FER: variants seen among roughly 807,000 people sequenced by gnomAD.
The protein encoded by FER is FER tyrosine kinase.
In FER, 63 loss-of-function variants were observed where a neutral mutation model predicts 111.0. That is an observed-to-expected ratio of 0.57 (90% CI 0.46 to 0.70). The LOEUF (loss-of-function observed/expected upper bound fraction) is 0.70, where lower values mean the gene tolerates loss of function less well. FER is among the 30% of genes least tolerant of loss of function. The pLI is 0.00. For missense variants in FER, 914 were observed against 954.0 expected, an observed-to-expected ratio of 0.96 and a Z score of 0.55; for synonymous variants, 327 against 313.9, an observed-to-expected ratio of 1.04 and a Z score of -0.44.
intron 17 of FER, among the ~76,000 whole-genome samples, chr5:109,109,907 T>C (rs71592779): frequency 0.032 from 4,926 of 152,264 alleles, 126 homozygotes; most frequent in Non-Finnish European, 0.049. Flanking sequence ...GGTGTACTTA[T>C]ACATCTATGT....
At chr5:108,926,763 G>T (rs1454111236) in intron 10 of FER, among the ~76,000 whole-genome samples, 1 of 152,154 alleles carries the variant, frequency 6.6e-6, no homozygotes. Flanking sequence ...TTGATCATAG[G>T]AAGCCTTTGT....
chr5:108,893,968 GTT>G (rs561122699), intron 9 of FER, among the ~76,000 whole-genome samples: 8 of 137,568 alleles, frequency 5.8e-5, no homozygotes, highest in Admixed American at 7.3e-5. Flanking sequence ...AAGGAAAGAG[GTT>G]TTTTTTTTTT....
At chr5:108,881,041 C>G (rs1765625096) in intron 8 of FER, among the ~76,000 whole-genome samples, 1 of 152,052 alleles carries the variant, frequency 6.6e-6, no homozygotes, top group South Asian at 2.1e-4. Flanking sequence ...CTATGAAAGA[C>G]TTCTTTGGAC....
chr5:108,892,413 C>G (rs1748253617), intron 9 of FER, among the ~76,000 whole-genome samples: 1 of 152,096 alleles, frequency 6.6e-6, no homozygotes, highest in African/African-American at 2.4e-5. Flanking sequence ...TCTCTGATGG[C>G]CAGTGATGAT....
chr5:108,783,792 A>G (rs1754359333), intron 2 of FER, among the ~76,000 whole-genome samples: 1 of 151,938 alleles, frequency 6.6e-6, no homozygotes, highest in South Asian at 2.1e-4. Flanking sequence ...GTTAGTGTAT[A>G]TCTATTGCTG....
chr5:108,966,899 A>G (rs1215874938), intron 13 of FER, among the ~76,000 whole-genome samples: 2 of 152,300 alleles, frequency 1.3e-5, no homozygotes, highest in East Asian at 3.9e-4. Flanking sequence ...GAACAAACAA[A>G]GCCATAGAAC....
At chr5:108,850,706 A>G (rs913255832) in intron 5 of FER, among the ~76,000 whole-genome samples, 1 of 152,058 alleles carries the variant, frequency 6.6e-6, no homozygotes, top group Non-Finnish European at 1.5e-5. Flanking sequence ...TATTCTGTTT[A>G]TTACAGTAAT....
chr5:109,173,764 C>A (rs1386200731), intron 17 of FER, among the ~76,000 whole-genome samples: 1 of 148,394 alleles, frequency 6.7e-6, no homozygotes, highest in Admixed American at 6.7e-5. Flanking sequence ...CCTCCCCCCC[C>A]CCCACAAGTA....
chr5:109,008,255 T>C (rs1765751167), intron 13 of FER, among the ~76,000 whole-genome samples: 1 of 152,252 alleles, frequency 6.6e-6, no homozygotes, highest in African/African-American at 2.4e-5. Context: ...GTAATTATTC[T>C]TCCTGACTAC....
At chr5:108,835,656 C>T in intron 4 of FER, 52 bp from the exon 5 acceptor site, 1 of 1,187,292 alleles carries the variant, frequency 8.4e-7, no homozygotes, top group Non-Finnish European at 1.2e-6. Flanking sequence ...AGTTCTTGAG[C>T]AATTTAAATT....
rs190707846 is a variant in FER at position 108,764,458 on chromosome 5, C to T, written c.-205-3635C>T. On this transcript the variant is annotated intron_variant, in intron 1 of 19. Coordinates refer to ENST00000281092, the MANE Select transcript of FER (RefSeq NM_005246.4). ...TGTTGCCCAGACTGCAGTGCAGTGA[C>T]GCCATCTTGGCTCACTGCAACCTCT... is the stretch of plus-strand genomic sequence containing the variant. Among the ~76,000 whole-genome samples, 811 of 152,162 alleles carry T rather than the reference C, an allele frequency of 5.3e-3. 7 individuals carry two copies. Among genetic ancestry groups the T allele is most frequent in the Non-Finnish European group, 8.4e-3 (573 of 67,990 alleles).
chr5:108,787,457 T>C (rs1237219348), intron 2 of FER, among the ~76,000 whole-genome samples: 2 of 152,138 alleles, frequency 1.3e-5, no homozygotes, highest in South Asian at 2.1e-4. Context: ...GGTGAAACTT[T>C]ACCTCAGGCC....
chr5:109,186,873 G>C (rs1051810803), intron 19 of FER, among the ~76,000 whole-genome samples: 1 of 152,276 alleles, frequency 6.6e-6, no homozygotes, highest in Non-Finnish European at 1.5e-5. Context: ...CCCCAGTGAG[G>C]GGCATGGTTG....
intron 4 of FER, among the ~76,000 whole-genome samples, chr5:108,835,189 C>CCG (rs1760501242): frequency 8.8e-6 from 1 of 113,294 alleles, no homozygotes; most frequent in African/African-American, 3.8e-5. Context: ...GCGCCACCCC[C>CCG]CCCCCCCCAC....
intron 10 of FER, among the ~76,000 whole-genome samples, chr5:108,933,644 T>C (rs1341822159): frequency 2.0e-5 from 3 of 152,198 alleles, no homozygotes; most frequent in Non-Finnish European, 4.4e-5. Flanking sequence ...AAGTCAATGG[T>C]AACTTGATGC....
chr5:108,977,286 T>C (rs143472840), intron 13 of FER, among the ~76,000 whole-genome samples: 1,809 of 152,332 alleles, frequency 0.012, 18 homozygotes, highest in Non-Finnish European at 0.02. Context: ...AAATTTTAAC[T>C]TTTTATAATA....
intron 13 of FER, among the ~76,000 whole-genome samples, chr5:109,010,175 CTTTTT>C (rs34383386): frequency 1.3e-5 from 2 of 151,730 alleles, no homozygotes; most frequent in African/African-American, 4.8e-5. Flanking sequence ...TTTTATCCTT[CTTTTT>C]TTTGAGACAG....
intron 13 of FER, among the ~76,000 whole-genome samples, chr5:109,029,465 T>C (rs1438066390): frequency 2.3e-5 from 3 of 132,142 alleles, no homozygotes; most frequent in Non-Finnish European, 4.7e-5. Context: ...AGAGAAAGAG[T>C]CCCACTTTGT....
intron 11 of FER, among the ~76,000 whole-genome samples, chr5:108,951,222 C>T (rs1032292059): frequency 1.3e-5 from 2 of 151,962 alleles, no homozygotes; most frequent in East Asian, 3.8e-4. Flanking sequence ...GGAGATGACG[C>T]CATTGGACTC....
Sources: gnomAD v4.1 joint callset for allele counts (sites outside exome capture counted in the v4.1 genomes callset) on GRCh38, gnomAD v4.1.1 for gene constraint, MANE v1.5 for transcripts, NCBI Gene and HGNC (gene_info 2026-07-23, HGNC 2026-07-21) for gene names.